Variants in KRCC1 observed in about 807,000 individuals in gnomAD.
KRCC1 encodes the protein lysine rich coiled-coil 1.
A neutral mutation model predicts 7.4 loss-of-function variants in KRCC1; 3 were observed. The observed-to-expected ratio is 0.40, with a 90% CI of 0.18 to 1.04. KRCC1 has a LOEUF of 1.04. KRCC1 is among the 50% of genes least tolerant of loss of function. The pLI, the probability that KRCC1 is intolerant of heterozygous loss-of-function variation, is 0.33. For missense variants in KRCC1, 277 were observed against 300.9 expected (o/e 0.92, Z 0.59); for synonymous variants, 102 against 101.6 (o/e 1.00, Z -0.02).
chr2:88,044,902 A>G (rs2104620347), intron 1 of KRCC1, among the ~76,000 whole-genome samples: 1 of 133,850 alleles, frequency 7.5e-6, no homozygotes, highest in African/African-American at 2.8e-5. Flanking sequence ...GGAGTAGCTC[A>G]TGCTAGAGTG....
At chr2:88,035,932 G>A (rs1558832238) in intron 2 of KRCC1, among the ~76,000 whole-genome samples, 1 of 152,124 alleles carries the variant, frequency 6.6e-6, no homozygotes, top group Non-Finnish European at 1.5e-5. Flanking sequence ...TTTTCAGGTT[G>A]AATAAACATA....
intron 2 of KRCC1, among the ~76,000 whole-genome samples, chr2:88,034,777 T>C (rs1347368344): frequency 2.0e-5 from 3 of 152,168 alleles, no homozygotes; most frequent in Non-Finnish European, 4.4e-5. Context: ...TTTGTACCCC[T>C]TGGCAAATGT....
intron 1 of KRCC1, among the ~76,000 whole-genome samples, chr2:88,049,635 G>T (rs1307368140): frequency 6.6e-6 from 1 of 152,178 alleles, no homozygotes; most frequent in Non-Finnish European, 1.5e-5. Context: ...GGCAATCGGA[G>T]TGAGACCCTG....
intron 1 of KRCC1, among the ~76,000 whole-genome samples, chr2:88,051,397 A>G (rs1352065400): frequency 9.5e-6 from 1 of 105,602 alleles, no homozygotes; most frequent in East Asian, 2.0e-4. Context: ...AACTGGAAAC[A>G]TGACAATTCT....
At chr2:88,039,878 A>G (rs1216976797) in intron 1 of KRCC1, among the ~76,000 whole-genome samples, 1 of 151,990 alleles carries the variant, frequency 6.6e-6, no homozygotes, top group Non-Finnish European at 1.5e-5. Flanking sequence ...TCCATTAAAA[A>G]TCTTGGTTTG....
Position 88,040,929 on chromosome 2 carries a change from G to A in KRCC1, c.-290-3878C>T, listed in dbSNP as rs374574292. ...AGAAAGGGTATTCTGGAGGACAGAAGGGCATTAGAAAAGGCATTTCTGCTT... is the reference window on the plus strand; with the variant it reads ...AGAAAGGGTATTCTGGAGGACAGAAAGGCATTAGAAAAGGCATTTCTGCTT... On this transcript the variant is annotated intron_variant, in intron 1 of 3. Coordinates refer to ENST00000347055, the MANE Select transcript of KRCC1 (RefSeq NM_016618.3). Among the ~76,000 whole-genome samples, 51 of 152,258 alleles carry A rather than the reference G, an allele frequency of 3.3e-4. 3 individuals carry two copies. The highest frequency in any genetic ancestry group is 1.2e-3 in the African/African-American group (48 of 41,536).
intron 3 of KRCC1, among the ~76,000 whole-genome samples, chr2:88,032,600 A>C (rs1257517445): frequency 6.6e-6 from 1 of 152,254 alleles, no homozygotes; most frequent in African/African-American, 2.4e-5. Flanking sequence ...ATACAAAGAC[A>C]TGAATGTTCA....
intron 1 of KRCC1, among the ~76,000 whole-genome samples, chr2:88,040,551 T>C (rs1456599740): frequency 1.3e-5 from 2 of 152,214 alleles, no homozygotes; most frequent in African/African-American, 4.8e-5. Flanking sequence ...TTTGCAAGAA[T>C]TTCTCATAAA....
chr2:88,041,554 C>T (rs1673210727), intron 1 of KRCC1, among the ~76,000 whole-genome samples: 1 of 152,134 alleles, frequency 6.6e-6, no homozygotes, highest in Admixed American at 6.6e-5. Context: ...CTTGAAATTC[C>T]TTACAAATTA....
At chr2:88,031,009 T>C (rs1339849498) in intron 3 of KRCC1, among the ~76,000 whole-genome samples, 9 of 152,236 alleles carry the variant, frequency 5.9e-5, no homozygotes, top group African/African-American at 1.4e-4. Context: ...GCATACACTA[T>C]GTACAGTACA....
chr2:88,047,656 G>A (rs966594687), intron 1 of KRCC1, among the ~76,000 whole-genome samples: 4 of 152,056 alleles, frequency 2.6e-5, no homozygotes, highest in African/African-American at 9.7e-5. Flanking sequence ...AGCCTCCCGA[G>A]TAGCTGGGAC....
intron 1 of KRCC1, among the ~76,000 whole-genome samples, chr2:88,055,409 G>A (rs953976897): frequency 2.0e-5 from 3 of 151,806 alleles, no homozygotes; most frequent in Non-Finnish European, 4.4e-5. Context: ...TCCGCAAGCC[G>A]AGCGCCCCTT....
At chr2:88,055,472 G>A (rs1673600163) in intron 1 of KRCC1, among the ~76,000 whole-genome samples, 154 bp downstream of exon 1, 1 of 151,964 alleles carries the variant, frequency 6.6e-6, no homozygotes, top group South Asian at 2.1e-4. Flanking sequence ...GGCGGCGGCC[G>A]GTGAGGGGTG....
At chr2:88,049,743 C>T (rs1433578317) in intron 1 of KRCC1, among the ~76,000 whole-genome samples, 4 of 152,242 alleles carry the variant, frequency 2.6e-5, no homozygotes, top group Non-Finnish European at 5.9e-5. Flanking sequence ...GTCATTTTAA[C>T]ATGCTTAGTT....
At chr2:88,044,012 G>A (rs1673274446) in intron 1 of KRCC1, among the ~76,000 whole-genome samples, 1 of 152,102 alleles carries the variant, frequency 6.6e-6, no homozygotes, top group South Asian at 2.1e-4. Flanking sequence ...AACTCTATGG[G>A]CTCAGTACAA....
chr2:88,046,653 C>T (rs936694032), intron 1 of KRCC1, among the ~76,000 whole-genome samples: 3 of 152,142 alleles, frequency 2.0e-5, no homozygotes, highest in Non-Finnish European at 4.4e-5. Context: ...TTTCTAATTG[C>T]TCTGATTTTG....
intron 2 of KRCC1, among the ~76,000 whole-genome samples, chr2:88,036,554 C>T (rs189999186): frequency 4.6e-5 from 7 of 152,218 alleles, no homozygotes; most frequent in Non-Finnish European, 1.0e-4. Flanking sequence ...GGTAAGACTG[C>T]TGCATATTAT....
chr2:88,028,195 T>C lies in KRCC1; in HGVS notation c.369A>G (p.Gln123=). ...CACCATGTGAGCCACAAATATATTC[T>C]TGTTGATTAAAGTTCAGGGGTACTG... The part of the protein sequence containing the change: ...EKPVPLNFNQ[Q]EYICGSHGVE... The change falls in exon 4 of 4, where the codon CAA becomes CAG. Residue 123 remains glutamine, a synonymous_variant. Transcript: ENST00000347055. 6.2e-7 allele frequency: 1 copy of C among 1,614,234 alleles called. No individual in the cohort carries two copies. Among genetic ancestry groups the C allele is most frequent in the Non-Finnish European group, 8.5e-7 (1 of 1,180,036 alleles).
At chr2:88,054,204 G>C (rs1673561344) in intron 1 of KRCC1, among the ~76,000 whole-genome samples, 1 of 152,184 alleles carries the variant, frequency 6.6e-6, no homozygotes, top group Non-Finnish European at 1.5e-5. Context: ...CCCATCCTTG[G>C]AGAGTCGACC....
Sources: gnomAD v4.1 joint callset for allele counts (sites outside exome capture counted in the v4.1 genomes callset) on GRCh38, gnomAD v4.1.1 for gene constraint, MANE v1.5 for transcripts, NCBI Gene and HGNC (gene_info 2026-07-23, HGNC 2026-07-21) for gene names.